ANKRD28: variants seen among roughly 807,000 people sequenced by gnomAD.
The protein encoded by ANKRD28 is ankyrin repeat domain 28.
In ANKRD28, 44 loss-of-function variants were observed where a neutral mutation model predicts 126.5. The observed-to-expected ratio is 0.35, with a 90% CI of 0.27 to 0.45. The LOEUF is 0.45. Among genes scored for constraint, ANKRD28 ranks in the 20% least tolerant of loss-of-function variants. The pLI, the probability that ANKRD28 is intolerant of heterozygous loss-of-function variation, is 1.00. For synonymous variants in ANKRD28, 442 were observed against 468.5 expected (o/e 0.94, Z 0.73); for missense variants, 1,110 against 1,316.6 (o/e 0.84, Z 2.43).
At chr3:15,841,688 G>A (rs764404093) in intron 1 of ANKRD28, among the ~76,000 whole-genome samples, 2 of 152,142 alleles carry the variant, frequency 1.3e-5, no homozygotes, top group East Asian at 1.9e-4. Context: ...AAAGGGTCTC[G>A]GCATCACTGA....
intron 2 of ANKRD28, among the ~76,000 whole-genome samples, chr3:15,770,000 T>A (rs1257843148): frequency 1.3e-5 from 2 of 150,568 alleles, no homozygotes; most frequent in Admixed American, 6.6e-5. Context: ...CACCTGTCAG[T>A]GGACTCCACA....
At chr3:15,757,957 A>G (rs185422208) in intron 3 of ANKRD28, among the ~76,000 whole-genome samples, 1 of 152,352 alleles carries the variant, frequency 6.6e-6, no homozygotes, top group East Asian at 1.9e-4. Context: ...ACAGAGTTGA[A>G]TGGCCTGTAA....
chr3:15,773,856 A>T (rs1038321784), intron 2 of ANKRD28, among the ~76,000 whole-genome samples: 14 of 152,152 alleles, frequency 9.2e-5, no homozygotes, highest in Admixed American at 8.5e-4. Context: ...AAGACAAACT[A>T]AAAAGGCAGA....
intron 1 of ANKRD28, among the ~76,000 whole-genome samples, chr3:15,850,252 GAGA>G (rs2061622146): frequency 7.2e-6 from 1 of 139,576 alleles, no homozygotes; most frequent in Non-Finnish European, 1.5e-5. Flanking sequence ...GAGAGAGAGA[GAGA>G]GAGAGAGAAA....
chr3:15,796,465 G>T lies in ANKRD28; in HGVS notation c.57C>A (p.Phe19Leu). ...LEEVEDESPA[F>L]ISKLPQENKS... is the part of the protein sequence containing the mutation. ...TATTTTCCTGTGGCAATTTAGAAATGAATGCAGGAGATTCATCTTCTACCT... is the reference window on the plus strand; with the variant it reads ...TATTTTCCTGTGGCAATTTAGAAATTAATGCAGGAGATTCATCTTCTACCT... Residue 19 changes from phenylalanine (F) to leucine (L), a missense_variant, in exon 1 of 28, where the codon TTC (phenylalanine) becomes TTA (leucine). By Grantham distance (22) the Phe-to-Leu change is conservative (BLOSUM62 0). Coordinates refer to ENST00000683139, the MANE Select transcript of ANKRD28 (RefSeq NM_001349278.2). The T allele has an allele frequency of 3.9e-6, 5 of 1,288,938 alleles. No homozygotes were observed. Among genetic ancestry groups the T allele is most frequent in the Non-Finnish European group, 5.1e-6 (5 of 988,288 alleles). The allele number at this position is 1,288,938 out of a possible 1,614,324, so 79.8% of individuals were successfully genotyped here.
At chr3:15,693,834 G>C (rs1269978078) in intron 17 of ANKRD28, among the ~76,000 whole-genome samples, 1 of 152,072 alleles carries the variant, frequency 6.6e-6, no homozygotes, top group Non-Finnish European at 1.5e-5. Context: ...GGGAGAAATG[G>C]CAGAAAATTT....
intron 6 of ANKRD28, among the ~76,000 whole-genome samples, chr3:15,725,818 C>T (rs2074114271): frequency 6.6e-6 from 1 of 152,080 alleles, no homozygotes; most frequent in African/African-American, 2.4e-5. Flanking sequence ...CTGAGGCAGG[C>T]AGATCACCTG....
chr3:15,797,592 G>A lies in ANKRD28; in HGVS notation c.-1071C>T. The stretch of plus-strand genomic sequence containing the variant: ...AAAGGGGGGGGAAAAACATAGTAGT[G>A]TATCATTCCAGTGTTTCCTTTGATC... On this transcript the variant is annotated 5_prime_UTR_variant, in exon 1 of 28. Coordinates refer to ENST00000683139, the MANE Select transcript of ANKRD28 (RefSeq NM_001349278.2). 1.0e-6 allele frequency: 1 copy of A among 984,790 alleles called. No homozygotes were observed. The highest frequency in any genetic ancestry group is 1.7e-5 in the African/African-American group (1 of 57,186). The allele number at this position is 984,790 out of a possible 1,614,324, so 61.0% of individuals were successfully genotyped here. A position where few individuals can be genotyped will look rare whatever the true frequency, so the allele number is the denominator to read the frequency against.
intron 1 of ANKRD28, among the ~76,000 whole-genome samples, chr3:15,803,376 T>C (rs1159606124): frequency 6.6e-6 from 1 of 152,104 alleles, no homozygotes; most frequent in Non-Finnish European, 1.5e-5. Context: ...CCCAGCACTT[T>C]GGGAGACCAA....
intron 1 of ANKRD28, among the ~76,000 whole-genome samples, chr3:15,834,182 T>G (rs1429106151): frequency 6.6e-6 from 1 of 152,214 alleles, no homozygotes; most frequent in Non-Finnish European, 1.5e-5. Context: ...TCAGTATTTT[T>G]ATAGTTTCAG....
chr3:15,796,646 T>TC lies in ANKRD28; in HGVS notation c.-126_-125insG. The stretch of plus-strand genomic sequence containing the variant: ...ATTCTCTGAACAGCACAGCTGGGTT[T>TC]TTTTTTTTTTTAAAGTTAATAAGTA... On this transcript the variant is annotated 5_prime_UTR_variant, in exon 1 of 28. Transcript: ENST00000683139. The TC allele has an allele frequency of 1.0e-6, 1 of 994,820 alleles. No individual in the cohort carries two copies. The highest frequency in any genetic ancestry group is 1.7e-5 in the African/African-American group (1 of 57,386). The allele number at this position is 994,820 out of a possible 1,614,324, so 61.6% of individuals were successfully genotyped here.
At chr3:15,702,328 G>A (rs1366700219) in intron 14 of ANKRD28, among the ~76,000 whole-genome samples, 1 of 152,146 alleles carries the variant, frequency 6.6e-6, no homozygotes, top group Non-Finnish European at 1.5e-5. Flanking sequence ...GCTTGATCTT[G>A]AAAATGTGAA....
At chr3:15,735,316 C>G (rs1575445198) in intron 6 of ANKRD28, 94 bp downstream of exon 6, 7 of 1,033,626 alleles carry the variant, frequency 6.8e-6, no homozygotes, top group Admixed American at 2.6e-5. Context: ...TTTTCAGTAC[C>G]CTTAAAGACA....
chr3:15,797,722 TG>T lies in ANKRD28; in HGVS notation c.-1202del, dbSNP rs2060341051. 7 of 985,320 alleles carry T rather than the reference TG, an allele frequency of 7.1e-6. No homozygotes were observed. In the South Asian group the frequency reaches 3.3e-4, roughly 46 times the overall value. The allele number at this position is 985,320 out of a possible 1,614,324, so 61.0% of individuals were successfully genotyped here. On this transcript the variant is annotated 5_prime_UTR_variant, in exon 1 of 28. Coordinates refer to ENST00000683139, the MANE Select transcript of ANKRD28 (RefSeq NM_001349278.2). The stretch of plus-strand genomic sequence containing the variant: ...TACTTTATTCAGTCATCTGCCTCTT[TG>T]CCAATATAGTTTCCTTCCACTGTGA...
intron 6 of ANKRD28, among the ~76,000 whole-genome samples, chr3:15,735,151 A>G (rs1396867319): frequency 6.6e-6 from 1 of 152,166 alleles, no homozygotes; most frequent in African/African-American, 2.4e-5. Flanking sequence ...ATCCTAAATT[A>G]TGTATTCCAG....
rs2060854638 is a variant in ANKRD28 at position 15,817,399 on chromosome 3, T to C, written c.28-22093A>G. Among the ~76,000 whole-genome samples the C allele has an allele frequency of 1.3e-5, 2 of 152,250 alleles. No individual in the cohort carries two copies. Among genetic ancestry groups the C allele is most frequent in the South Asian group, 4.1e-4 (2 of 4,824 alleles). ...AACATTAAGTTCCTAGAGCTACCGG[T>C]AGGCACCATTTCTTATTGCTCTAAG... On this transcript the variant is annotated intron_variant, in intron 1 of 27. Transcript: ENST00000399451. The surrounding 1 kb of genome is among the most constrained non-coding windows in gnomAD (Gnocchi z 4.5).
intron 1 of ANKRD28, among the ~76,000 whole-genome samples, chr3:15,803,053 T>C (rs746365075): frequency 2.0e-5 from 3 of 152,184 alleles, no homozygotes; most frequent in Non-Finnish European, 4.4e-5. Flanking sequence ...TCACATGCAG[T>C]TGGAGAAGTG....
intron 17 of ANKRD28, among the ~76,000 whole-genome samples, chr3:15,691,958 T>C (rs1371435661): frequency 5.9e-5 from 9 of 152,038 alleles, no homozygotes; most frequent in Middle Eastern, 3.4e-3. Context: ...TGAGATCTCA[T>C]CTCTGCCAAA....
In ANKRD28 at chr3:15,675,780, A is replaced by G. The variant is rs2066872875; in HGVS notation, c.2965+118T>C. On this transcript the variant is annotated intron_variant, in intron 27 of 27. Coordinates refer to ENST00000683139, the MANE Select transcript of ANKRD28 (RefSeq NM_001349278.2). ...TTCCTTTGCCACAAACTACTCTTCA[A>G]TATTAACTTTAGCTCTCCTCTTTGA... 6.0e-6 allele frequency: 5 copies of G among 831,364 alleles called. No individual in the cohort carries two copies. In the Admixed American group the frequency reaches 1.0e-4, roughly 17 times the overall value. 51.5% of individuals were successfully genotyped at this position (831,364 alleles called of 1,614,324 possible).
Sources: allele counts gnomAD v4.1 joint callset (sites outside exome capture counted in the v4.1 genomes callset), GRCh38; gene constraint gnomAD v4.1.1; non-coding constraint Gnocchi (gnomAD v3.1); transcripts MANE v1.5; gene names NCBI Gene and HGNC (gene_info 2026-07-23, HGNC 2026-07-21).